The following TENM2 variants were observed in gnomAD, a reference collection of about 807,000 sequenced individuals.
TENM2 encodes the protein teneurin transmembrane protein 2.
Under a neutral mutation model 245.2 loss-of-function variants are expected in TENM2, and 52 were observed. The ratio of observed to expected loss-of-function variants is 0.21; its 90% CI spans 0.17 to 0.27. The LOEUF is 0.27. TENM2 is among the 10% of genes least tolerant of loss of function. TENM2 has a pLI of 1.00. For missense variants in TENM2, 3,046 were observed against 3,666.8 expected (o/e 0.83, Z 4.37); for synonymous variants, 1,363 against 1,438.9 (o/e 0.95, Z 1.19).
chr5:168,004,079 G>A (rs531580574), intron 5 of TENM2, among the ~76,000 whole-genome samples: 32 of 152,274 alleles, frequency 2.1e-4, no homozygotes, highest in Non-Finnish European at 3.4e-4. Flanking sequence ...GTTCCAAATC[G>A]CCTTTGTCTT....
intron 2 of TENM2, among the ~76,000 whole-genome samples, chr5:167,754,618 A>T (rs564683781): frequency 3.9e-4 from 54 of 138,656 alleles, no homozygotes; most frequent in African/African-American, 1.1e-3. Flanking sequence ...AGAATAATTT[A>T]AAAAAAAAAA....
At chr5:167,679,463 ATTATTT>A (rs921146233) in intron 2 of TENM2, among the ~76,000 whole-genome samples, 3 of 152,144 alleles carry the variant, frequency 2.0e-5, no homozygotes, top group Non-Finnish European at 4.4e-5. Flanking sequence ...AAATATGTAC[ATTATTT>A]TTATTCACTT....
intron 27 of TENM2, among the ~76,000 whole-genome samples, chr5:168,256,201 AAT>A (rs898863969): frequency 2.0e-5 from 3 of 149,046 alleles, no homozygotes; most frequent in Admixed American, 6.7e-5. Context: ...AGATATGGCA[AAT>A]ATATATATAT....
chr5:167,360,619 A>T (rs1464786879), intron 1 of TENM2, among the ~76,000 whole-genome samples: 1 of 152,110 alleles, frequency 6.6e-6, no homozygotes, highest in Non-Finnish European at 1.5e-5. Flanking sequence ...GAACCTGAAA[A>T]TTTCTCCTAC....
chr5:167,445,962 A>G (rs890824719), intron 2 of TENM2, among the ~76,000 whole-genome samples: 1 of 152,038 alleles, frequency 6.6e-6, no homozygotes, highest in Non-Finnish European at 1.5e-5. Flanking sequence ...GTCATTGTGG[A>G]TAATAATGCT....
chr5:167,339,265 C>T (rs1757959014), intron 1 of TENM2, among the ~76,000 whole-genome samples: 1 of 152,162 alleles, frequency 6.6e-6, no homozygotes, highest in East Asian at 1.9e-4. Flanking sequence ...TTTCAAAATA[C>T]AGTGATAGAC....
At chr5:168,036,891 G>C (rs1225349924) in intron 5 of TENM2, among the ~76,000 whole-genome samples, 2 of 151,554 alleles carry the variant, frequency 1.3e-5, no homozygotes, top group Non-Finnish European at 2.9e-5. Context: ...ATTCCAAAAA[G>C]AAATTATCCT....
the TENM2 span, among the ~76,000 whole-genome samples, chr5:167,261,546 G>T: frequency 6.6e-6 from 1 of 151,954 alleles, no homozygotes; most frequent in African/African-American, 2.4e-5. Context: ...CCCCTTCCAG[G>T]TGAAGACAGC....
At chr5:167,987,679 C>G (rs1260759900) in intron 4 of TENM2, among the ~76,000 whole-genome samples, 1 of 151,996 alleles carries the variant, frequency 6.6e-6, no homozygotes, top group Non-Finnish European at 1.5e-5. Flanking sequence ...GGATAGGGCC[C>G]AGGATTTTGT....
At chr5:167,854,584 A>T (rs759830341) in intron 2 of TENM2, among the ~76,000 whole-genome samples, 1 of 152,190 alleles carries the variant, frequency 6.6e-6, no homozygotes, top group Non-Finnish European at 1.5e-5. Flanking sequence ...AAAATTGTGA[A>T]CACAACCATA....
the TENM2 span, among the ~76,000 whole-genome samples, chr5:167,183,324 C>A: frequency 6.6e-6 from 1 of 152,128 alleles, no homozygotes; most frequent in East Asian, 1.9e-4. Flanking sequence ...GTGTGCAAAT[C>A]TGATATGTAT....
intron 2 of TENM2, among the ~76,000 whole-genome samples, chr5:167,569,235 C>A (rs1342267327): frequency 2.0e-5 from 3 of 151,420 alleles, no homozygotes; most frequent in Admixed American, 2.0e-4. Flanking sequence ...AACATTTCCC[C>A]AAAAAAAGTG....
chr5:167,851,722 C>T (rs1452560811), intron 2 of TENM2, among the ~76,000 whole-genome samples: 2 of 152,056 alleles, frequency 1.3e-5, no homozygotes, highest in East Asian at 1.9e-4. Flanking sequence ...TGCTGAGGAC[C>T]GCCAGAGATT....
chr5:167,779,516 A>C (rs946043974), intron 2 of TENM2, among the ~76,000 whole-genome samples: 7 of 152,210 alleles, frequency 4.6e-5, no homozygotes, highest in African/African-American at 1.7e-4. Context: ...CTAAAATTTC[A>C]CAAAATTACG....
chr5:167,071,941 A>T, the TENM2 span, among the ~76,000 whole-genome samples: 1 of 117,264 alleles, frequency 8.5e-6, no homozygotes, highest in Non-Finnish European at 1.6e-5. Context: ...CAACGCTTTT[A>T]TTCCAGATTG....
intron 2 of TENM2, among the ~76,000 whole-genome samples, chr5:167,803,580 A>G (rs997017077): frequency 2.6e-5 from 4 of 152,106 alleles, no homozygotes; most frequent in African/African-American, 9.7e-5. Flanking sequence ...CATTACCAGG[A>G]CACAGATCTG....
At chr5:167,808,671 T>A (rs778136181) in intron 2 of TENM2, among the ~76,000 whole-genome samples, 4 of 152,212 alleles carry the variant, frequency 2.6e-5, no homozygotes, top group African/African-American at 9.6e-5. Flanking sequence ...TGTCTTTTTT[T>A]CCTGTCTTTC....
intron 2 of TENM2, among the ~76,000 whole-genome samples, chr5:167,710,330 A>G (rs1190807583): frequency 7.0e-6 from 1 of 142,584 alleles, no homozygotes; most frequent in Non-Finnish European, 1.5e-5. Flanking sequence ...TTTTTAAGTG[A>G]CTTTCGATTT....
chr5:167,093,344 A>G, the TENM2 span, among the ~76,000 whole-genome samples: 1 of 152,096 alleles, frequency 6.6e-6, no homozygotes, highest in East Asian at 1.9e-4. Flanking sequence ...TTGGTCCTGT[A>G]TTTTGTGCCA....
Sources: gnomAD v4.1 joint callset for allele counts (sites outside exome capture counted in the v4.1 genomes callset) on GRCh38, gnomAD v4.1.1 for gene constraint, MANE v1.5 for transcripts, NCBI Gene and HGNC (gene_info 2026-07-23, HGNC 2026-07-21) for gene names.